The following SRSF11 variants were observed in gnomAD, a reference collection of about 807,000 sequenced individuals.
The protein encoded by SRSF11 is serine/arginine-rich splicing factor 11.
In SRSF11, 9 loss-of-function variants were observed where a neutral mutation model predicts 56.0. The observed-to-expected ratio is 0.16, with a 90% CI of 0.10 to 0.28. SRSF11 has a LOEUF of 0.28. Ranked by LOEUF, SRSF11 falls within the 10% of genes least tolerant of loss-of-function variation. The pLI is 1.00. For synonymous variants in SRSF11, 222 were observed against 215.3 expected (o/e 1.03, Z -0.27); for missense variants, 421 against 600.7 (o/e 0.70, Z 3.13).
chr1:70,239,478 C>T lies in SRSF11; in HGVS notation c.758C>T (p.Ser253Leu). The change falls in exon 7 of 12, where the codon TCA becomes TTA. Residue 253 changes from serine (S) to leucine (L), a missense_variant. This residue lies in a region of SRSF11 where 253 missense variants were observed against 305.8 expected (regional missense o/e 0.83). Transcript: ENST00000370949. ...AAAAGAAGGCATTCAAGATCAAGAT[C>T]ACGTTCTAGGAGGAGGAGGACTCCC... ...EEKRRHSRSR[S>L]RSRRRRTPSS... 6.2e-7 allele frequency: 1 copy of T among 1,609,232 alleles called. No individual in the cohort carries two copies. Among genetic ancestry groups the T allele is most frequent in the Non-Finnish European group, 8.5e-7 (1 of 1,178,374 alleles).
intron 3 of SRSF11, among the ~76,000 whole-genome samples, chr1:70,232,894 G>A (rs1265386664): frequency 3.3e-5 from 5 of 152,178 alleles, no homozygotes; most frequent in African/African-American, 9.7e-5. Context: ...AGTGCTGTAC[G>A]AAGCTTATTT....
intron 1 of SRSF11, among the ~76,000 whole-genome samples, chr1:70,214,058 G>T (rs1308057441): frequency 6.6e-6 from 1 of 151,848 alleles, no homozygotes; most frequent in African/African-American, 2.4e-5. Flanking sequence ...TACTGCATGG[G>T]GGAAAAAAAC....
chr1:70,229,367 T>G, intron 2 of SRSF11: 1 of 1,186,252 alleles, frequency 8.4e-7, no homozygotes, highest in Non-Finnish European at 1.1e-6. Context: ...TTCTCTCTTT[T>G]TACATTTTAG....
chr1:70,226,449 G>T (rs1050010727), intron 1 of SRSF11, among the ~76,000 whole-genome samples: 4 of 152,050 alleles, frequency 2.6e-5, no homozygotes, highest in Admixed American at 1.3e-4. Flanking sequence ...TCACTTTAAG[G>T]TTGCCAAGTA....
At chr1:70,210,035 A>G (rs926571965) in intron 1 of SRSF11, among the ~76,000 whole-genome samples, 9 of 151,514 alleles carry the variant, frequency 5.9e-5, no homozygotes, top group African/African-American at 2.2e-4. Context: ...GAGAGAGTGC[A>G]TTGTCTTTGG....
Position 70,244,712 on chromosome 1 carries a change from T to C in SRSF11, c.829T>C (p.Ser277Pro). ...GTCAAGAAGCAGATCGAGACGGCGGTCACATTCTAAGTCTAGGAGTCGGCG... is the reference window on the plus strand; with the variant it reads ...GTCAAGAAGCAGATCGAGACGGCGGCCACATTCTAAGTCTAGGAGTCGGCG... ...RRSRSRSRRRSHSKSRSRRRS... is the reference protein window; with the variant it reads ...RRSRSRSRRRPHSKSRSRRRS... Residue 277 changes from serine (S) to proline (P), a missense_variant, in exon 8 of 12, where the codon TCA (serine) becomes CCA (proline). Ser to Pro is a moderately conservative substitution (Grantham distance 74). This residue lies in a region of SRSF11 where 253 missense variants were observed against 305.8 expected (regional missense o/e 0.83). Transcript: ENST00000370949. The C allele has an allele frequency of 6.2e-7, 1 of 1,614,124 alleles. No individual in the cohort carries two copies. Among genetic ancestry groups the C allele is most frequent in the Non-Finnish European group, 8.5e-7 (1 of 1,179,990 alleles).
At chr1:70,229,892 TATAG>T in intron 2 of SRSF11, 2 of 985,322 alleles carry the variant, frequency 2.0e-6, no homozygotes, top group Non-Finnish European at 2.4e-6. Flanking sequence ...TTTTGTAATG[TATAG>T]ATAGATAAAT....
At chr1:70,221,966 G>T in intron 1 of SRSF11, 127 bp downstream of exon 1, 1 of 1,455,118 alleles carries the variant, frequency 6.9e-7, no homozygotes, top group Non-Finnish European at 9.0e-7. Context: ...GTGGCTGGTG[G>T]ATTTACTTAA....
In SRSF11 at chr1:70,228,437, A is replaced by C. The variant is rs1193328394; in HGVS notation, c.219A>C (p.Pro73=). Residue 73 remains proline (P), a synonymous_variant, in exon 2 of 12, where the codon CCA becomes CCC. Transcript: ENST00000370949. ...RLFPPDDSPL[P]VSSRVCFVKF... is the part of the protein sequence containing the mutation. ...TATTTTTTAGTGATTCGCCTTTGCC[A>C]GTCTCATCTCGTGTCTGCTTTGTTA... 6.2e-7 allele frequency: 1 copy of C among 1,610,822 alleles called. No homozygotes were observed. Among genetic ancestry groups the C allele is most frequent in the East Asian group, 2.2e-5 (1 of 44,752 alleles).
chr1:70,213,844 C>T (rs116517655), intron 1 of SRSF11, among the ~76,000 whole-genome samples: 4,461 of 152,160 alleles, frequency 0.029, 88 homozygotes, highest in Non-Finnish European at 0.047. Flanking sequence ...GGTAGAGTCC[C>T]TTCAGGTTGA....
At chr1:70,241,207 T>A (rs1675312741) in intron 7 of SRSF11, among the ~76,000 whole-genome samples, 1 of 152,178 alleles carries the variant, frequency 6.6e-6, no homozygotes, top group Admixed American at 6.6e-5. Context: ...ATTTCTCCTA[T>A]TTATTGTCAG....
intron 7 of SRSF11, among the ~76,000 whole-genome samples, chr1:70,243,323 A>T (rs1675927770): frequency 8.2e-6 from 1 of 121,902 alleles, no homozygotes; most frequent in Admixed American, 1.0e-4. Flanking sequence ...TTTAATCCAC[A>T]TTTGGTTGGT....
At chr1:70,217,023 T>C (rs1670065780), upstream of SRSF11, among the ~76,000 whole-genome samples, 1 of 152,242 alleles carries the variant, frequency 6.6e-6, no homozygotes, top group Non-Finnish European at 1.5e-5. Flanking sequence ...GAAATTCAAA[T>C]GTCTTGCTTC....
intron 1 of SRSF11, among the ~76,000 whole-genome samples, chr1:70,225,619 T>A (rs952917040): frequency 6.6e-6 from 1 of 152,166 alleles, no homozygotes; most frequent in African/African-American, 2.4e-5. Flanking sequence ...AAAAAGATTC[T>A]CTACAGACCC....
At chr1:70,239,554 C>G (rs748447374) in intron 7 of SRSF11, 34 bp downstream of exon 7, 2 of 1,446,286 alleles carry the variant, frequency 1.4e-6, no homozygotes, top group Admixed American at 2.2e-5. Flanking sequence ...ATACCTTAGA[C>G]AAAGATAATT....
chr1:70,207,583 T>C (rs1669162245), intron 1 of SRSF11, among the ~76,000 whole-genome samples: 1 of 152,118 alleles, frequency 6.6e-6, no homozygotes. Context: ...GAAGATTTCT[T>C]TATTAAAGAA....
chr1:70,235,543 G>A lies in SRSF11; in HGVS notation c.583G>A (p.Asp195Asn), dbSNP rs913629653. The A allele has an allele frequency of 6.2e-7, 1 of 1,611,006 alleles. No homozygotes were observed. Among genetic ancestry groups the A allele is most frequent in the Non-Finnish European group, 8.5e-7 (1 of 1,179,296 alleles). ...GTTGCTGAAGCTTATGAGTACTGTTGATCCCAAGTAAGCGTTTTTTCTTTG... is the reference window on the plus strand; with the variant it reads ...GTTGCTGAAGCTTATGAGTACTGTTAATCCCAAGTAAGCGTTTTTTCTTTG... ...DQLLKLMSTVDPKLNHVAAGL... is the reference protein window; with the variant it reads ...DQLLKLMSTVNPKLNHVAAGL... The change falls in exon 5 of 12, where the codon GAT becomes AAT. Residue 195 changes from aspartate to asparagine, a missense_variant. Transcript: ENST00000370949.
intron 8 of SRSF11, chr1:70,246,580 A>G (rs980209047): frequency 3.2e-6 from 1 of 308,670 alleles, no homozygotes; most frequent in African/African-American, 2.2e-5. Flanking sequence ...TTATTTTCTC[A>G]CCCATAGTCT....
chr1:70,245,352 A>G (rs1262522095), intron 8 of SRSF11, among the ~76,000 whole-genome samples: 2 of 152,206 alleles, frequency 1.3e-5, no homozygotes, highest in East Asian at 1.9e-4. Flanking sequence ...CTGGGGACAC[A>G]ACATAACTTA....
Sources: gnomAD v4.1 joint callset for allele counts (sites outside exome capture counted in the v4.1 genomes callset) on GRCh38, gnomAD v4.1.1 for gene constraint, gnomAD v4.1.1 regional missense constraint, MANE v1.5 for transcripts, NCBI Gene and HGNC (gene_info 2026-07-23, HGNC 2026-07-21) for gene names.